POLR2D: variants seen among roughly 807,000 people sequenced by gnomAD.
POLR2D encodes DNA-directed RNA polymerase II subunit RPB4.
Under a neutral mutation model 17.6 loss-of-function variants are expected in POLR2D, and 10 were observed. The observed-to-expected ratio is 0.57, with a 90% confidence interval of 0.35 to 0.96. The LOEUF is 0.96. POLR2D is among the 40% of genes least tolerant of loss of function. The probability of loss-of-function intolerance (pLI) is 0.02; values close to 1 mark genes in which losing one functional copy is unlikely to be tolerated. For synonymous variants in POLR2D, 52 were observed against 60.2 expected (o/e 0.86, Z 0.63); for missense variants, 126 against 176.4 (o/e 0.71, Z 1.62).
At position 127,845,547 on chromosome 2, in the gene POLR2D, G is replaced by A. The variant is rs1690140517; in HGVS notation, c.*2560C>T. The A allele has an allele frequency of 6.6e-6, 1 of 151,804 alleles. No homozygotes were observed. The highest frequency in any genetic ancestry group is 2.4e-5 in the African/African-American group (1 of 41,280). The allele number at this position is 151,804 out of a possible 1,614,324, so 9.4% of individuals were successfully genotyped here. A position where few individuals can be genotyped will look rare whatever the true frequency, so the allele number is the denominator to read the frequency against. On this transcript the variant is annotated 3_prime_UTR_variant, in exon 4 of 4. Transcript: ENST00000272645. ...TGCGCCACCACGCCCCGCTAATTTTGTATTTTAAGTAGAGACGGGGTTTCT... is the reference window on the plus strand; with the variant it reads ...TGCGCCACCACGCCCCGCTAATTTTATATTTTAAGTAGAGACGGGGTTTCT...
rs888161285 is a variant in POLR2D, at chr2:127,847,881, G to A, written c.*226C>T. 26 of 552,252 alleles carry A rather than the reference G, an allele frequency of 4.7e-5. No individual in the cohort carries two copies. The highest frequency in any genetic ancestry group is 7.7e-5 in the Non-Finnish European group (24 of 309,848). The allele number at this position is 552,252 out of a possible 1,614,324, so 34.2% of individuals were successfully genotyped here. On this transcript the variant is annotated 3_prime_UTR_variant, in exon 4 of 4. Coordinates refer to ENST00000272645, the MANE Select transcript of POLR2D (RefSeq NM_004805.4). ...TCACACTTCGCAGAGGCACGTTCAG[G>A]AAGCCACTGGCTGCCACTGCACAAG...
rs1358139977 is a variant in POLR2D at position 127,846,341 on chromosome 2, G to C, written c.*1766C>G. The C allele has an allele frequency of 2.0e-5, 3 of 152,140 alleles. No homozygotes were observed. Among genetic ancestry groups the C allele is most frequent in the Admixed American group, 6.5e-5 (1 of 15,272 alleles). 9.4% of individuals were successfully genotyped at this position (152,140 alleles called of 1,614,324 possible). ...CATCCTGATTTTAAAAGCCAACACT[G>C]TTCTTTCTCCTTTTTCCTTGGATCA... On this transcript the variant is annotated 3_prime_UTR_variant, in exon 4 of 4. Transcript: ENST00000272645.
chr2:127,855,117 C>A (rs1238896816), intron 1 of POLR2D, among the ~76,000 whole-genome samples: 1 of 152,014 alleles, frequency 6.6e-6, no homozygotes, highest in East Asian at 1.9e-4. Context: ...GCCTCCCAGG[C>A]TAAGCGCAGT....
chr2:127,849,450 T>C (rs932429920), intron 3 of POLR2D, among the ~76,000 whole-genome samples: 2 of 152,190 alleles, frequency 1.3e-5, no homozygotes, highest in African/African-American at 2.4e-5. Flanking sequence ...GTATTTATCA[T>C]TGCCATACAT....
At chr2:127,857,801 G>C in intron 1 of POLR2D, 1 of 1,307,910 alleles carries the variant, frequency 7.6e-7, no homozygotes. Flanking sequence ...CTTTGACACA[G>C]GTCCCCGGAA....
In POLR2D at chr2:127,846,543, A is replaced by G. The variant is rs2104720258; in HGVS notation, c.*1564T>C. 1 of 152,302 alleles carries G rather than the reference A, an allele frequency of 6.6e-6. No homozygotes were observed. The highest frequency in any genetic ancestry group is 1.9e-4 in the East Asian group (1 of 5,188). The allele number at this position is 152,302 out of a possible 1,614,324, so 9.4% of individuals were successfully genotyped here. On this transcript the variant is annotated 3_prime_UTR_variant, in exon 4 of 4. Coordinates refer to ENST00000272645, the MANE Select transcript of POLR2D (RefSeq NM_004805.4). ...AGAGTGGATGACTCCCTCCTTCCAA[A>G]TAAAGCACTTATTGCTAATTAGCAG...
chr2:127,851,831 C>T (rs1174384195), intron 2 of POLR2D, among the ~76,000 whole-genome samples: 2 of 152,150 alleles, frequency 1.3e-5, no homozygotes, highest in Non-Finnish European at 1.5e-5. Flanking sequence ...CTCTATGTCA[C>T]CCGGGCTGCA....
intron 1 of POLR2D, among the ~76,000 whole-genome samples, chr2:127,855,823 AATTT>A (rs1690319812): frequency 6.7e-6 from 1 of 149,386 alleles, no homozygotes; most frequent in Non-Finnish European, 1.5e-5. Flanking sequence ...ACACACACAC[AATTT>A]ATTTAGAAAC....
chr2:127,854,328 T>C (rs1345940022), intron 1 of POLR2D, among the ~76,000 whole-genome samples: 1 of 152,204 alleles, frequency 6.6e-6, no homozygotes, highest in Admixed American at 6.5e-5. Flanking sequence ...TCTCAAAGTA[T>C]TAGAGATAGT....
rs949621579 is a variant in POLR2D, at chr2:127,858,026, A to G, written c.73+2T>C. The G allele has an allele frequency of 1.3e-6, 2 of 1,577,776 alleles. No homozygotes were observed. Among genetic ancestry groups the G allele is most frequent in the Non-Finnish European group, 1.7e-6 (2 of 1,164,840 alleles). Reference sequence around the variant, plus strand: ...GGGGAGTCTGGCAGCCCCGAGCCCAACCTTTAGGAAAGATGAGCTGTGAGG... The same window carrying G: ...GGGGAGTCTGGCAGCCCCGAGCCCAGCCTTTAGGAAAGATGAGCTGTGAGG... On this transcript the variant is annotated splice_donor_variant, in intron 1 of 3. Transcript: ENST00000272645. LOFTEE classifies it high-confidence loss of function.
chr2:127,856,644 C>A (rs1363716936), intron 1 of POLR2D, among the ~76,000 whole-genome samples: 2 of 151,632 alleles, frequency 1.3e-5, no homozygotes, highest in African/African-American at 2.4e-5. Flanking sequence ...ATAGTAAGTT[C>A]TAACGTATTA....
chr2:127,857,993 GTGGCGCGGGGGAGTC>G lies in POLR2D; in HGVS notation c.73+20_73+34del. The stretch of plus-strand genomic sequence containing the variant: ...GCCAGGCCTGCGGCGACCACGCGAA[GTGGCGCGGGGGAGTC>G]TGGCAGCCCCGAGCCCAACCTTTAG... On this transcript the variant is annotated intron_variant, in intron 1 of 3. Transcript: ENST00000272645. 3 of 1,572,706 alleles carry G rather than the reference GTGGCGCGGGGGAGTC, an allele frequency of 1.9e-6. No individual in the cohort carries two copies. The highest frequency in any genetic ancestry group is 2.6e-6 in the Non-Finnish European group (3 of 1,162,500).
Position 127,852,888 on chromosome 2 carries a change from T to C in POLR2D, c.254+37A>G, listed in dbSNP as rs1306169517. 2 of 1,442,038 alleles carry C rather than the reference T, an allele frequency of 1.4e-6. No individual in the cohort carries two copies. Among genetic ancestry groups the C allele is most frequent in the Admixed American group, 1.8e-5 (1 of 55,948 alleles). The allele number at this position is 1,442,038 out of a possible 1,614,324, so 89.3% of individuals were successfully genotyped here. On this transcript the variant is annotated intron_variant, in intron 2 of 3. Coordinates refer to ENST00000272645, the MANE Select transcript of POLR2D (RefSeq NM_004805.4). The surrounding 1 kb of genome is among the most constrained non-coding windows in gnomAD (Gnocchi z 4.0). ...CAGCATTCTACATGCAGTTGTCCAA[T>C]GGTTTGGATTAATAAAAACTTTCTT...
intron 1 of POLR2D, among the ~76,000 whole-genome samples, chr2:127,857,414 C>T (rs1051612853): frequency 2.0e-5 from 3 of 152,214 alleles, no homozygotes; most frequent in Non-Finnish European, 2.9e-5. Flanking sequence ...CCCTCCCCAA[C>T]CACTTAAAGT....
In POLR2D at chr2:127,847,854, T is replaced by A. The variant is rs993970269; in HGVS notation, c.*253A>T. 2 of 507,992 alleles carry A rather than the reference T, an allele frequency of 3.9e-6. No individual in the cohort carries two copies. Among genetic ancestry groups the A allele is most frequent in the African/African-American group, 4.0e-5 (2 of 50,600 alleles). The allele number at this position is 507,992 out of a possible 1,614,324, so 31.5% of individuals were successfully genotyped here. A position where few individuals can be genotyped will look rare whatever the true frequency, so the allele number is the denominator to read the frequency against. On this transcript the variant is annotated 3_prime_UTR_variant, in exon 4 of 4. Coordinates refer to ENST00000272645, the MANE Select transcript of POLR2D (RefSeq NM_004805.4). ...AACAGTGTGGTTATGTGACCCCTCA[T>A]CTCACACTTCGCAGAGGCACGTTCA...
At chr2:127,857,944 G>T in intron 1 of POLR2D, 84 bp downstream of exon 1, 2 of 1,516,934 alleles carry the variant, frequency 1.3e-6, no homozygotes, top group Non-Finnish European at 1.8e-6. Flanking sequence ...GCTGAGGCAG[G>T]GCCTTGGGCG....
At chr2:127,849,801 C>T (rs995115486) in intron 3 of POLR2D, among the ~76,000 whole-genome samples, 2 of 152,180 alleles carry the variant, frequency 1.3e-5, no homozygotes, top group Non-Finnish European at 2.9e-5. Flanking sequence ...AATCCCAGCA[C>T]TTGTGAGGCT....
rs747725989 is a variant in POLR2D, at chr2:127,855,394, C to CAAA, written c.74-2292_74-2290dup. Among the ~76,000 whole-genome samples the CAAA allele has an allele frequency of 2.9e-3, 149 of 50,890 alleles. 1 individual carries two copies. The highest frequency in any genetic ancestry group is 4.6e-3 in the African/African-American group (72 of 15,510). The allele number at this position is 50,890 out of a possible 152,430, so 33.4% of individuals were successfully genotyped here. ...AGGCAACAACAGTGAAACTCCGTCT[C>CAAA]AAAAAAAAAAAAAAAAAAAAAAAAG... is the stretch of plus-strand genomic sequence containing the variant. On this transcript the variant is annotated intron_variant, in intron 1 of 3. Transcript: ENST00000272645.
At chr2:127,848,268 C>A in intron 3 of POLR2D, 83 bp from the exon 4 acceptor site, 1 of 780,532 alleles carries the variant, frequency 1.3e-6, no homozygotes, top group South Asian at 1.6e-5. Flanking sequence ...AATCTACTGC[C>A]CACATCTCTA....
Sources: gnomAD v4.1 joint callset for allele counts (sites outside exome capture counted in the v4.1 genomes callset) on GRCh38, gnomAD v4.1.1 for gene constraint, Gnocchi (gnomAD v3.1) non-coding constraint, MANE v1.5 for transcripts, NCBI Gene and HGNC (gene_info 2026-07-23, HGNC 2026-07-21) for gene names.